Variants in KCNIP4 observed in about 807,000 individuals in gnomAD.
KCNIP4 encodes Kv channel-interacting protein 4.
In KCNIP4, 12 loss-of-function variants were observed where a neutral mutation model predicts 34.0. That is an observed-to-expected ratio of 0.35 (90% confidence interval 0.23 to 0.57). KCNIP4 has a LOEUF of 0.57. KCNIP4 is among the 20% of genes least tolerant of loss of function. KCNIP4 has a pLI of 0.83. For synonymous variants in KCNIP4, 124 were observed against 102.2 expected (o/e 1.21, Z -1.29); for missense variants, 238 against 311.7 (o/e 0.76, Z 1.78).
intron 1 of KCNIP4, among the ~76,000 whole-genome samples, chr4:21,601,989 ATTAG>A (rs1252775428): frequency 6.6e-6 from 1 of 152,146 alleles, no homozygotes; most frequent in Non-Finnish European, 1.5e-5. Context: ...AATCACCTGA[ATTAG>A]TTAGTTTACT....
intron 1 of KCNIP4, among the ~76,000 whole-genome samples, chr4:21,250,140 A>G (rs1192983739): frequency 6.6e-6 from 1 of 150,552 alleles, no homozygotes; most frequent in African/African-American, 2.5e-5. Flanking sequence ...TTCCCCCAGG[A>G]AAAAGTTCTC....
At chr4:21,349,551 T>C (rs754122190) in intron 1 of KCNIP4, among the ~76,000 whole-genome samples, 1 of 152,070 alleles carries the variant, frequency 6.6e-6, no homozygotes, top group Admixed American at 6.6e-5. Flanking sequence ...AGATGAGGAA[T>C]CTCTTGGCAC....
chr4:20,738,120 A>T (rs1013611575), intron 5 of KCNIP4, among the ~76,000 whole-genome samples: 1 of 149,220 alleles, frequency 6.7e-6, no homozygotes, highest in Non-Finnish European at 1.5e-5. Context: ...ACAGACCAAG[A>T]CTCTGTCTCA....
chr4:21,049,812 G>C (rs543661543), intron 1 of KCNIP4, among the ~76,000 whole-genome samples: 56 of 152,178 alleles, frequency 3.7e-4, no homozygotes, highest in Non-Finnish European at 6.6e-4. Context: ...TGAAACACAA[G>C]TCAAAGAGAG....
chr4:21,357,597 T>C (rs952197166), intron 1 of KCNIP4, among the ~76,000 whole-genome samples: 12 of 152,060 alleles, frequency 7.9e-5, no homozygotes, highest in African/African-American at 2.9e-4. Flanking sequence ...ATCAGACAAA[T>C]GCAAATCAAA....
At chr4:20,815,521 C>T (rs907387413) in intron 3 of KCNIP4, among the ~76,000 whole-genome samples, 12 of 152,262 alleles carry the variant, frequency 7.9e-5, no homozygotes, top group African/African-American at 2.9e-4. Flanking sequence ...ATCCTTGATT[C>T]CACTTGCTGC....
At chr4:20,809,496 T>A (rs1271100477) in intron 3 of KCNIP4, among the ~76,000 whole-genome samples, 1 of 152,198 alleles carries the variant, frequency 6.6e-6, no homozygotes, top group African/African-American at 2.4e-5. Flanking sequence ...TCTGCCTAGA[T>A]GTGGAATTCT....
chr4:21,365,665 C>T (rs562280482), intron 1 of KCNIP4, among the ~76,000 whole-genome samples: 2 of 152,042 alleles, frequency 1.3e-5, no homozygotes, highest in East Asian at 1.9e-4. Flanking sequence ...TTTGTTTTCT[C>T]ACCCAATAGC....
At chr4:21,379,196 C>A (rs1218941820) in intron 1 of KCNIP4, among the ~76,000 whole-genome samples, 1 of 152,170 alleles carries the variant, frequency 6.6e-6, no homozygotes, top group Non-Finnish European at 1.5e-5. Flanking sequence ...CTTTAACCTG[C>A]TGAATAGTAT....
chr4:21,088,208 C>T (rs1746646001), intron 1 of KCNIP4, among the ~76,000 whole-genome samples: 1 of 152,122 alleles, frequency 6.6e-6, no homozygotes, highest in Admixed American at 6.5e-5. Flanking sequence ...TATGATTTCT[C>T]ATTCTGCCAC....
chr4:21,002,338 T>A (rs751170577), intron 1 of KCNIP4, among the ~76,000 whole-genome samples: 2 of 152,176 alleles, frequency 1.3e-5, no homozygotes, highest in Non-Finnish European at 2.9e-5. Flanking sequence ...CTGTAATTTT[T>A]ATAAAATAAG....
At chr4:21,188,899 G>C (rs1755435893) in intron 1 of KCNIP4, among the ~76,000 whole-genome samples, 1 of 152,186 alleles carries the variant, frequency 6.6e-6, no homozygotes, top group African/African-American at 2.4e-5. Context: ...TAGGCACATA[G>C]TAGAACCTCA....
At chr4:21,251,431 T>A (rs551283576) in intron 1 of KCNIP4, among the ~76,000 whole-genome samples, 1 of 151,990 alleles carries the variant, frequency 6.6e-6, no homozygotes, top group Non-Finnish European at 1.5e-5. Flanking sequence ...CCGAGAACAC[T>A]GTGGCCCTCA....
Position 21,402,714 on chromosome 4 carries a change from A to ACAACCTGG in KCNIP4, c.62-520006_62-520005insCCAGGTTG, listed in dbSNP as rs1224522680. Among the ~76,000 whole-genome samples, 379 of 152,330 alleles carry ACAACCTGG rather than the reference A, an allele frequency of 2.5e-3. 2 individuals carry two copies. The highest frequency in any genetic ancestry group is 0.01 in the Middle Eastern group (3 of 294). ...CTTACACAGCTTGCTCTCTCTGGTC[A>ACAACCTGG]TAGATGCACAACCAGGATCTGATCT... On this transcript the variant is annotated intron_variant, in intron 1 of 8. Coordinates refer to ENST00000382152, the MANE Select transcript of KCNIP4 (RefSeq NM_025221.6).
chr4:21,069,686 A>T (rs1327640802), intron 1 of KCNIP4, among the ~76,000 whole-genome samples: 2 of 152,216 alleles, frequency 1.3e-5, no homozygotes, highest in Non-Finnish European at 2.9e-5. Context: ...TGGGAAGAAG[A>T]TACAGAAAAA....
chr4:21,697,649 G>T (rs1223395304), intron 1 of KCNIP4: 3 of 1,306,646 alleles, frequency 2.3e-6, no homozygotes, highest in African/African-American at 3.1e-5. Flanking sequence ...CAGTAACAGG[G>T]AGGTGAGAAA....
chr4:21,493,092 G>C (rs910298765), intron 1 of KCNIP4, among the ~76,000 whole-genome samples: 1 of 151,990 alleles, frequency 6.6e-6, no homozygotes, highest in Admixed American at 6.6e-5. Context: ...TTCCCTTTAG[G>C]TCAGGAATCC....
intron 1 of KCNIP4, chr4:21,844,627 A>T (rs1432369286): frequency 2.0e-5 from 3 of 152,038 alleles, no homozygotes; most frequent in Admixed American, 2.0e-4. Context: ...AAGTCCATTG[A>T]TGAGGTGAAT....
chr4:20,862,718 T>C (rs147077633), intron 2 of KCNIP4, among the ~76,000 whole-genome samples: 27 of 152,242 alleles, frequency 1.8e-4, no homozygotes, highest in Admixed American at 5.9e-4. Context: ...GGAATCAACC[T>C]AAATGCCCAT....
Sources: allele counts gnomAD v4.1 joint callset (sites outside exome capture counted in the v4.1 genomes callset), GRCh38; gene constraint gnomAD v4.1.1; transcripts MANE v1.5; gene names NCBI Gene and HGNC (gene_info 2026-07-23, HGNC 2026-07-21).